Variants in ANKFN1 observed in about 807,000 individuals in gnomAD.
ANKFN1 encodes ankyrin repeat and fibronectin type III domain containing 1, also known as ankyrin repeat and fibronectin type-III domain-containing protein 1.
In ANKFN1, 74 loss-of-function variants were observed where a neutral mutation model predicts 108.7. The observed-to-expected ratio is 0.68, with a 90% confidence interval of 0.56 to 0.83. The LOEUF is 0.83. Among genes scored for constraint, ANKFN1 ranks in the 40% least tolerant of loss-of-function variants. ANKFN1 has a pLI of 0.00. For missense variants in ANKFN1, 1,505 were observed against 1,382.3 expected (o/e 1.09, Z -1.41); for synonymous variants, 547 against 516.2 (o/e 1.06, Z -0.81).
intron 8 of ANKFN1, among the ~76,000 whole-genome samples, chr17:56,381,743 A>G (rs1347356641): frequency 2.0e-5 from 3 of 152,192 alleles, no homozygotes; most frequent in African/African-American, 7.2e-5. Flanking sequence ...AGAAAAAAGA[A>G]TAAAAAGAAA....
chr17:56,453,116 C>T (rs1182623403), intron 11 of ANKFN1, among the ~76,000 whole-genome samples: 1 of 152,046 alleles, frequency 6.6e-6, no homozygotes. Context: ...AGTATTTTCC[C>T]CATATCTCTA....
rs1044207303 is a variant in ANKFN1, at chr17:56,514,938, A to T, written c.*3669A>T. Among the ~76,000 whole-genome samples, 2 of 151,960 alleles carry T rather than the reference A, an allele frequency of 1.3e-5. No individual in the cohort carries two copies. Among genetic ancestry groups the T allele is most frequent in the Non-Finnish European group, 2.9e-5 (2 of 67,980 alleles). ...TGCCACACAAATGTGCGCCCTGGTG[A>T]GTTTGGAGCTCTTCCCTTGAAGATA... On this transcript the variant is annotated 3_prime_UTR_variant, in exon 21 of 21. Transcript: ENST00000682825.
At chr17:56,460,160 T>C (rs1295689576) in intron 14 of ANKFN1, among the ~76,000 whole-genome samples, 1 of 152,088 alleles carries the variant, frequency 6.6e-6, no homozygotes, top group Non-Finnish European at 1.5e-5. Flanking sequence ...CTCTACTAAA[T>C]TTGCTTTCTC....
chr17:56,511,054 CG>C lies in ANKFN1; in HGVS notation c.3228del (p.Asn1077ThrfsTer34). The C allele has an allele frequency of 6.5e-7, 1 of 1,536,008 alleles. No individual in the cohort carries two copies. The highest frequency in any genetic ancestry group is 1.2e-5 in the South Asian group (1 of 84,058). ...CCACGCTGCCAGCCTTCCTGAGGAGCGGAACAGCAGTCTCCAGGACGCGAGG... is the reference window on the plus strand; with the variant it reads ...CCACGCTGCCAGCCTTCCTGAGGAGCGAACAGCAGTCTCCAGGACGCGAGG... Reference protein sequence around the residue: ...LAHAASLPEERNSSLQDARPS... With the variant: ...LAHAASLPEEXNSSLQDARPS... On this transcript the variant is annotated frameshift_variant, in exon 21 of 21. Coordinates refer to ENST00000682825, the MANE Select transcript of ANKFN1 (RefSeq NM_001370326.1). LOFTEE classifies it low-confidence loss of function (END_TRUNC).
At chr17:56,496,545 C>A (rs1444999388) in intron 19 of ANKFN1, among the ~76,000 whole-genome samples, 2 of 152,160 alleles carry the variant, frequency 1.3e-5, no homozygotes, top group South Asian at 2.1e-4. Flanking sequence ...TGTTAGCATT[C>A]CTTGACTTCT....
At chr17:56,124,211 C>T (rs1422378335) in intron 4 of ANKFN1, among the ~76,000 whole-genome samples, 3 of 152,172 alleles carry the variant, frequency 2.0e-5, no homozygotes, top group Admixed American at 2.0e-4. Context: ...GTGAACCACA[C>T]TCTAAATTCT....
At chr17:56,404,491 C>T (rs568700892) in intron 8 of ANKFN1, among the ~76,000 whole-genome samples, 35 of 152,278 alleles carry the variant, frequency 2.3e-4, no homozygotes, top group African/African-American at 8.4e-4. Context: ...AAAAGTGTGT[C>T]CAAAGTTTCC....
chr17:56,329,862 C>T (rs2045614545), intron 4 of ANKFN1, among the ~76,000 whole-genome samples: 1 of 152,136 alleles, frequency 6.6e-6, no homozygotes, highest in Admixed American at 6.6e-5. Context: ...GTGCCCAACC[C>T]CAGAGAGCTA....
intron 4 of ANKFN1, among the ~76,000 whole-genome samples, chr17:56,080,488 G>A (rs538678844): frequency 6.6e-6 from 1 of 152,336 alleles, no homozygotes; most frequent in African/African-American, 2.4e-5. Flanking sequence ...GTAAATAAAA[G>A]AGAAGCTTGT....
intron 15 of ANKFN1, among the ~76,000 whole-genome samples, chr17:56,473,889 C>T (rs1449466574): frequency 6.6e-6 from 1 of 152,090 alleles, no homozygotes; most frequent in African/African-American, 2.4e-5. Context: ...TCACAGTGTA[C>T]TCCTAGCTCA....
At position 56,327,308 on chromosome 17, in the gene ANKFN1, C is replaced by A. The variant is rs2045545805; in HGVS notation, c.188+953C>A. ...TTTTGTTTGCCTGGCTACCCCAAGGCTTTATGGCAGCATCAATCCATCTCT... is the reference window on the plus strand; with the variant it reads ...TTTTGTTTGCCTGGCTACCCCAAGGATTTATGGCAGCATCAATCCATCTCT... On this transcript the variant is annotated intron_variant, in intron 4 of 20. Coordinates refer to ENST00000682825, the MANE Select transcript of ANKFN1 (RefSeq NM_001370326.1). Among the ~76,000 whole-genome samples the A allele has an allele frequency of 1.3e-5, 2 of 152,144 alleles. 1 individual carries two copies. The highest frequency in any genetic ancestry group is 4.1e-4 in the South Asian group (2 of 4,826).
chr17:56,487,219 G>A (rs1217702127), intron 18 of ANKFN1, among the ~76,000 whole-genome samples: 1 of 152,138 alleles, frequency 6.6e-6, no homozygotes, highest in African/African-American at 2.4e-5. Flanking sequence ...CCTGAAGGTT[G>A]ACACTCTACC....
chr17:56,282,369 C>G (rs1219503038), intron 3 of ANKFN1, among the ~76,000 whole-genome samples: 1 of 151,676 alleles, frequency 6.6e-6, no homozygotes, highest in East Asian at 1.9e-4. Flanking sequence ...CTACAAATGT[C>G]CTATCTTGAT....
chr17:56,439,603 G>C (rs751721684), intron 8 of ANKFN1, among the ~76,000 whole-genome samples: 1 of 151,968 alleles, frequency 6.6e-6, no homozygotes, highest in Non-Finnish European at 1.5e-5. Flanking sequence ...CAATGAAAAG[G>C]CTTGGAAGAA....
intron 6 of ANKFN1, among the ~76,000 whole-genome samples, chr17:56,363,222 CAAAAAT>C (rs536647631): frequency 2.0e-5 from 3 of 151,394 alleles, no homozygotes; most frequent in African/African-American, 2.4e-5. Flanking sequence ...GACTCCATCT[CAAAAAT>C]AAAAATAAAA....
chr17:56,495,313 G>GTCTCTCTC lies in ANKFN1; in HGVS notation c.2427+2977_2427+2984dup, dbSNP rs150627971. Reference sequence around the variant, plus strand: ...TCTCTCCCTTTATGTTGACTTTGTGGTCTCTCTCTCTCTCTCTCTCTCTCA... The same window carrying GTCTCTCTC: ...TCTCTCCCTTTATGTTGACTTTGTGGTCTCTCTCTCTCTCTCTCTCTCTCTCTCTCTCA... On this transcript the variant is annotated intron_variant, in intron 19 of 20. Transcript: ENST00000682825. 4.4e-3 allele frequency among the ~76,000 whole-genome samples: 653 copies of GTCTCTCTC among 147,546 alleles called. 2 individuals carry two copies. The highest frequency in any genetic ancestry group is 0.012 in the African/African-American group (466 of 39,928).
chr17:56,245,613 T>G (rs968727095), intron 3 of ANKFN1: 1 of 152,180 alleles, frequency 6.6e-6, no homozygotes, highest in Non-Finnish European at 1.5e-5. Context: ...CAAACACTTA[T>G]AGTAATACTG....
At chr17:56,336,846 T>C (rs1354909787) in intron 4 of ANKFN1, among the ~76,000 whole-genome samples, 1 of 152,216 alleles carries the variant, frequency 6.6e-6, no homozygotes, top group Non-Finnish European at 1.5e-5. Context: ...TGCTTTCTCT[T>C]GTGGGCATTT....
In ANKFN1 at chr17:56,355,502, C is replaced by T. The variant is rs148065612; in HGVS notation, c.601+1456C>T. On this transcript the variant is annotated intron_variant, in intron 6 of 20. Transcript: ENST00000682825. ...TGATTGAGAGAGAAGTCACAGGGACCAGATTATGCAGGACCCTGAGACCAT... is the reference window on the plus strand; with the variant it reads ...TGATTGAGAGAGAAGTCACAGGGACTAGATTATGCAGGACCCTGAGACCAT... 3.7e-3 allele frequency among the ~76,000 whole-genome samples: 558 copies of T among 152,204 alleles called. 1 individual carries two copies. The highest frequency in any genetic ancestry group is 0.023 in the South Asian group (109 of 4,814).
Sources: gnomAD v4.1 joint callset for allele counts (sites outside exome capture counted in the v4.1 genomes callset) on GRCh38, gnomAD v4.1.1 for gene constraint, MANE v1.5 for transcripts, NCBI Gene and HGNC (gene_info 2026-07-23, HGNC 2026-07-21) for gene names.